HS6ST3: variants seen among roughly 807,000 people sequenced by gnomAD.
HS6ST3 encodes the protein heparan-sulfate 6-O-sulfotransferase 3.
HS6ST3 carries 12 observed loss-of-function variants against 36.7 expected under a neutral mutation model. The ratio of observed to expected loss-of-function variants is 0.33; its 90% confidence interval spans 0.21 to 0.53. The LOEUF is 0.53. HS6ST3 is among the 20% of genes least tolerant of loss of function. The pLI is 0.95. For missense variants in HS6ST3, 584 were observed against 640.9 expected (o/e 0.91, Z 0.96); for synonymous variants, 240 against 257.5 (o/e 0.93, Z 0.65).
chr13:96,670,232 T>C (rs2056678508), intron 1 of HS6ST3, among the ~76,000 whole-genome samples: 1 of 152,164 alleles, frequency 6.6e-6, no homozygotes, highest in Non-Finnish European at 1.5e-5. Flanking sequence ...TGTTTAATGC[T>C]GCTTAGAGGT....
At chr13:96,124,802 A>G (rs1191933589) in intron 1 of HS6ST3, among the ~76,000 whole-genome samples, 1 of 152,196 alleles carries the variant, frequency 6.6e-6, no homozygotes, top group African/African-American at 2.4e-5. Context: ...ATACATGTAG[A>G]CAGCGCAGGT....
chr13:96,747,693 A>G (rs1313896280), intron 1 of HS6ST3, among the ~76,000 whole-genome samples: 2 of 152,160 alleles, frequency 1.3e-5, no homozygotes, highest in East Asian at 1.9e-4. Context: ...TATAACTAAT[A>G]AAAGTGAGGA....
intron 1 of HS6ST3, among the ~76,000 whole-genome samples, chr13:96,585,816 T>A (rs1402021717): frequency 6.6e-6 from 1 of 152,262 alleles, no homozygotes; most frequent in African/African-American, 2.4e-5. Context: ...TGTTCCACTG[T>A]GTATATATAC....
At chr13:96,389,486 G>A (rs2055385235) in intron 1 of HS6ST3, among the ~76,000 whole-genome samples, 1 of 151,956 alleles carries the variant, frequency 6.6e-6, no homozygotes, top group African/African-American at 2.4e-5. Flanking sequence ...TATACCCCTT[G>A]CTCCAGGGGA....
intron 1 of HS6ST3, among the ~76,000 whole-genome samples, chr13:96,481,619 A>G (rs2055890318): frequency 6.6e-6 from 1 of 152,086 alleles, no homozygotes; most frequent in Non-Finnish European, 1.5e-5. Flanking sequence ...TGCCTTCCCC[A>G]GATGCCTTCT....
At chr13:96,413,483 A>G (rs1179010435) in intron 1 of HS6ST3, among the ~76,000 whole-genome samples, 2 of 152,224 alleles carry the variant, frequency 1.3e-5, no homozygotes, top group African/African-American at 2.4e-5. Flanking sequence ...ACTAATGCAA[A>G]TTAGTTAAGA....
chr13:96,731,521 T>C (rs901540823), intron 1 of HS6ST3, among the ~76,000 whole-genome samples: 1 of 152,228 alleles, frequency 6.6e-6, no homozygotes, highest in Non-Finnish European at 1.5e-5. Context: ...ATTCTGTATC[T>C]TGGCTCTTGT....
chr13:96,289,299 G>A (rs7334728), intron 1 of HS6ST3, among the ~76,000 whole-genome samples: 74,181 of 151,736 alleles, frequency 0.49, 18,253 homozygotes, highest in Middle Eastern at 0.61. Context: ...AAAATATAAA[G>A]AAGAATAAAA....
intron 1 of HS6ST3, among the ~76,000 whole-genome samples, chr13:96,543,993 C>A (rs530342720): frequency 3.3e-5 from 5 of 151,336 alleles, no homozygotes; most frequent in African/African-American, 1.2e-4. Context: ...CTTATTGGCA[C>A]TAGTTCAGGG....
At chr13:96,495,657 TATC>T (rs1203675668) in intron 1 of HS6ST3, among the ~76,000 whole-genome samples, 1 of 152,190 alleles carries the variant, frequency 6.6e-6, no homozygotes, top group Non-Finnish European at 1.5e-5. Context: ...ACGACTCTAA[TATC>T]ATTCTAGCCT....
At chr13:96,728,794 C>G (rs150807966) in intron 1 of HS6ST3, among the ~76,000 whole-genome samples, 1 of 152,070 alleles carries the variant, frequency 6.6e-6, no homozygotes, top group African/African-American at 2.4e-5. Context: ...GTTTTTTTTC[C>G]TGAGCTGCAT....
chr13:96,333,278 C>T (rs2055081919), intron 1 of HS6ST3, among the ~76,000 whole-genome samples: 1 of 152,180 alleles, frequency 6.6e-6, no homozygotes, highest in Non-Finnish European at 1.5e-5. Context: ...AGAATCAAAG[C>T]AAGGGGGACT....
chr13:96,331,634 G>A (rs1179172086), intron 1 of HS6ST3, among the ~76,000 whole-genome samples: 8 of 152,146 alleles, frequency 5.3e-5, no homozygotes, highest in Non-Finnish European at 8.8e-5. Context: ...CTGTCTTTTT[G>A]TTTTTCTGTG....
intron 1 of HS6ST3, among the ~76,000 whole-genome samples, chr13:96,160,117 A>G (rs1191494187): frequency 6.6e-6 from 1 of 152,250 alleles, no homozygotes; most frequent in Non-Finnish European, 1.5e-5. Context: ...AATAGCAATA[A>G]TAACTTAAAA....
intron 1 of HS6ST3, among the ~76,000 whole-genome samples, chr13:96,258,824 G>A (rs887871089): frequency 3.3e-5 from 5 of 152,180 alleles, no homozygotes; most frequent in African/African-American, 9.7e-5. Flanking sequence ...CTAAGGACTT[G>A]AGAAATAGTG....
At chr13:96,123,792 G>T (rs1040961105) in intron 1 of HS6ST3, among the ~76,000 whole-genome samples, 1 of 152,112 alleles carries the variant, frequency 6.6e-6, no homozygotes, top group African/African-American at 2.4e-5. Flanking sequence ...AGCTACGATT[G>T]CCTTTATAAC....
At chr13:96,364,157 T>C (rs2055252276) in intron 1 of HS6ST3, among the ~76,000 whole-genome samples, 1 of 151,992 alleles carries the variant, frequency 6.6e-6, no homozygotes, top group South Asian at 2.1e-4. Context: ...TGTAGAAAAA[T>C]TGAAACCCAT....
chr13:96,317,326 T>TTTTATATATA (rs2054975537), intron 1 of HS6ST3, among the ~76,000 whole-genome samples: 2 of 96,970 alleles, frequency 2.1e-5, no homozygotes, highest in Non-Finnish European at 4.1e-5. Flanking sequence ...TAGTATTCCA[T>TTTTATATATA]TATATATATA....
chr13:96,690,413 ACTATTGCATGACT>A (rs1874924167), intron 1 of HS6ST3, among the ~76,000 whole-genome samples: 1 of 152,114 alleles, frequency 6.6e-6, no homozygotes, highest in Non-Finnish European at 1.5e-5. Context: ...TTTTCTAGAC[ACTATTGCATGACT>A]CTCTTCTGAT....
Sources: allele counts gnomAD v4.1 joint callset (sites outside exome capture counted in the v4.1 genomes callset), GRCh38; gene constraint gnomAD v4.1.1; transcripts MANE v1.5; gene names NCBI Gene and HGNC (gene_info 2026-07-23, HGNC 2026-07-21).